Variants in ADAMTS9 observed in about 807,000 individuals in gnomAD.
ADAMTS9 encodes A disintegrin and metalloproteinase with thrombospondin motifs 9.
In ADAMTS9, 107 loss-of-function variants were observed where a neutral mutation model predicts 257.1. That is an observed-to-expected ratio of 0.42 (90% CI 0.36 to 0.49). The LOEUF (loss-of-function observed/expected upper bound fraction) is 0.49. Ranked by LOEUF, ADAMTS9 falls within the 20% of genes least tolerant of loss-of-function variation. The pLI is 0.03. For synonymous variants in ADAMTS9, 982 were observed against 880.9 expected, an observed-to-expected ratio of 1.11 and a Z score of -2.03; for missense variants, 2,353 against 2,469.1, an observed-to-expected ratio of 0.95 and a Z score of 1.00.
intron 11 of ADAMTS9, among the ~76,000 whole-genome samples, chr3:64,647,053 A>G (rs1276263392): frequency 6.6e-6 from 1 of 152,210 alleles, no homozygotes; most frequent in African/African-American, 2.4e-5. Flanking sequence ...TGAGATGAGA[A>G]TAAATTATTA....
At chr3:64,609,856 C>T (rs955026050) in intron 22 of ADAMTS9, among the ~76,000 whole-genome samples, 2 of 152,134 alleles carry the variant, frequency 1.3e-5, no homozygotes, top group African/African-American at 4.8e-5. Flanking sequence ...CTGGGGGAAT[C>T]ATACCTCACA....
intron 16 of ADAMTS9, among the ~76,000 whole-genome samples, chr3:64,622,883 T>C (rs2106867059): frequency 6.6e-6 from 1 of 152,334 alleles, no homozygotes; most frequent in East Asian, 1.9e-4. Context: ...TTGATCTTGT[T>C]ATACAAGACC....
chr3:64,657,644 T>C (rs1701111386), intron 4 of ADAMTS9, among the ~76,000 whole-genome samples: 1 of 152,126 alleles, frequency 6.6e-6, no homozygotes, highest in Non-Finnish European at 1.5e-5. Flanking sequence ...GGCCATTTTC[T>C]TAAAAACTTT....
chr3:64,622,019 T>C (rs1700119860), intron 18 of ADAMTS9, among the ~76,000 whole-genome samples, 179 bp downstream of exon 18: 1 of 152,052 alleles, frequency 6.6e-6, no homozygotes, highest in Admixed American at 6.5e-5. Flanking sequence ...ATTTCTTGAA[T>C]CACTTAAAAA....
rs1166433474 is a variant in ADAMTS9 at position 64,616,068 on chromosome 3, A to C, written c.2916T>G (p.Thr972=). 1.2e-6 allele frequency: 2 copies of C among 1,614,100 alleles called. No individual in the cohort carries two copies. The highest frequency in any genetic ancestry group is 2.2e-5 in the East Asian group (1 of 44,880). The part of the protein sequence containing the change: ...CAKYSRLDGK[T]EKVDDGFCSS... ...TGCAAAAACCATCATCAACCTTCTC[A>C]GTCTTCCCATCCAGCCTGCTATATT... Residue 972 remains threonine (T), a synonymous_variant, in exon 20 of 40, where the codon ACT becomes ACG. Transcript: ENST00000498707.
chr3:64,594,529 G>C, intron 27 of ADAMTS9, 95 bp from the exon 28 acceptor site: 1 of 1,486,024 alleles, frequency 6.7e-7, no homozygotes, highest in Non-Finnish European at 9.2e-7. Flanking sequence ...CTCAATTATG[G>C]CATTGGGCAA....
In ADAMTS9 at chr3:64,596,998, A is replaced by G. The variant is rs775202077; in HGVS notation, c.4018-7T>C. 9.3e-6 allele frequency: 15 copies of G among 1,613,702 alleles called. No individual in the cohort carries two copies. In the Admixed American group the frequency reaches 2.5e-4, roughly 27 times the overall value. Reference sequence around the variant, plus strand: ...CAGCACAGGTACTGGAACACTAAACACATCAGTCGACAAGTTAATCCCCAC... The same window carrying G: ...CAGCACAGGTACTGGAACACTAAACGCATCAGTCGACAAGTTAATCCCCAC... On this transcript the variant is annotated splice_polypyrimidine_tract_variant and splice_region_variant and intron_variant, in intron 26 of 39. Coordinates refer to ENST00000498707, the MANE Select transcript of ADAMTS9 (RefSeq NM_182920.2).
intron 32 of ADAMTS9, among the ~76,000 whole-genome samples, chr3:64,544,038 C>T (rs1459383535): frequency 6.6e-6 from 1 of 152,130 alleles, no homozygotes; most frequent in Non-Finnish European, 1.5e-5. Context: ...AATAAAATAC[C>T]TAGGAATCCA....
At chr3:64,617,481 C>T (rs1190904794) in intron 19 of ADAMTS9, among the ~76,000 whole-genome samples, 1 of 152,140 alleles carries the variant, frequency 6.6e-6, no homozygotes, top group African/African-American at 2.4e-5. Context: ...CAAAATGCTA[C>T]CCCCTGCTTT....
intron 31 of ADAMTS9, among the ~76,000 whole-genome samples, chr3:64,547,207 C>T (rs551656926): frequency 5.3e-5 from 8 of 152,266 alleles, no homozygotes; most frequent in Non-Finnish European, 7.4e-5. Flanking sequence ...TGCCTCAAAC[C>T]CCTTCTGGAG....
chr3:64,539,174 T>A, intron 37 of ADAMTS9, 29 bp downstream of exon 37: 1 of 1,584,860 alleles, frequency 6.3e-7, no homozygotes, highest in Non-Finnish European at 8.7e-7. Flanking sequence ...GGTGAATCCC[T>A]GGCAAGGGGG....
chr3:64,530,526 T>TAA (rs55726329), intron 38 of ADAMTS9, among the ~76,000 whole-genome samples: 1,957 of 116,550 alleles, frequency 0.017, 62 homozygotes, highest in African/African-American at 0.058. Flanking sequence ...CACCAAGATT[T>TAA]AAAAAAAAAA....
chr3:64,632,329 G>T (rs373413892), intron 14 of ADAMTS9, among the ~76,000 whole-genome samples: 59 of 152,338 alleles, frequency 3.9e-4, no homozygotes, highest in African/African-American at 1.4e-3. Context: ...TAATTAAAGA[G>T]CTCATGCCCC....
chr3:64,530,523 A>AT (rs1282006539), intron 38 of ADAMTS9, among the ~76,000 whole-genome samples: 1 of 136,208 alleles, frequency 7.3e-6, no homozygotes, highest in African/African-American at 3.0e-5. Context: ...GAACACCAAG[A>AT]TTTAAAAAAA....
At chr3:64,666,642 G>A (rs1445776612) in intron 3 of ADAMTS9, among the ~76,000 whole-genome samples, 2 of 117,742 alleles carry the variant, frequency 1.7e-5, no homozygotes, top group Non-Finnish European at 4.3e-5. Context: ...TAAAATGATG[G>A]TAATAACAGC....
At chr3:64,533,128 A>G in intron 38 of ADAMTS9, 38 bp downstream of exon 38, 1 of 1,547,630 alleles carries the variant, frequency 6.5e-7, no homozygotes. Context: ...AAAGAAAGAA[A>G]TAAAAATTCA....
At chr3:64,575,119 T>G (rs991765029) in intron 28 of ADAMTS9, among the ~76,000 whole-genome samples, 3 of 152,186 alleles carry the variant, frequency 2.0e-5, no homozygotes, top group African/African-American at 7.2e-5. Context: ...AGATGCCACA[T>G]AGTAGATTAC....
At position 64,680,944 on chromosome 3, in the gene ADAMTS9, A is replaced by G. The variant is rs1198635200; in HGVS notation, c.679+257T>C. Reference sequence around the variant, plus strand: ...ACAGAAAAGGTGGCTCTTCCCATAGAGGGCATGGAGTCACTGCTTTGAGTT... The same window carrying G: ...ACAGAAAAGGTGGCTCTTCCCATAGGGGGCATGGAGTCACTGCTTTGAGTT... On this transcript the variant is annotated intron_variant, in intron 3 of 39. Coordinates refer to ENST00000498707, the MANE Select transcript of ADAMTS9 (RefSeq NM_182920.2). 2.0e-5 allele frequency among the ~76,000 whole-genome samples: 3 copies of G among 152,186 alleles called. No individual in the cohort carries two copies. The East Asian group carries it at 5.8e-4, about 29-fold the overall frequency.
chr3:64,668,175 G>C, intron 3 of ADAMTS9, among the ~76,000 whole-genome samples: 1 of 152,174 alleles, frequency 6.6e-6, no homozygotes, highest in South Asian at 2.1e-4. Flanking sequence ...CATCTCCCAA[G>C]CTTGCACTCT....
Sources: gnomAD v4.1 joint callset for allele counts (sites outside exome capture counted in the v4.1 genomes callset) on GRCh38, gnomAD v4.1.1 for gene constraint, MANE v1.5 for transcripts, NCBI Gene and HGNC (gene_info 2026-07-23, HGNC 2026-07-21) for gene names.